The following SLC9A4 variants were observed in gnomAD, a reference collection of about 807,000 sequenced individuals.
The protein encoded by SLC9A4 is solute carrier family 9 member A4.
SLC9A4 carries 63 observed loss-of-function variants against 67.4 expected under a neutral mutation model. That is an observed-to-expected ratio of 0.93 (90% CI 0.76 to 1.15). The LOEUF (loss-of-function observed/expected upper bound fraction) is 1.15. Among genes scored for constraint, SLC9A4 ranks in the 50% most tolerant of loss-of-function variants. The pLI is 0.00. For missense variants in SLC9A4, 1,089 were observed against 987.7 expected (o/e 1.10, Z -1.38); for synonymous variants, 393 against 367.2 (o/e 1.07, Z -0.80).
chr2:102,508,066 TC>T lies in SLC9A4; in HGVS notation c.1199-8del. The T allele has an allele frequency of 6.2e-7, 1 of 1,613,214 alleles. No individual in the cohort carries two copies. The highest frequency in any genetic ancestry group is 8.5e-7 in the Non-Finnish European group (1 of 1,179,202). ...ATGATCCTCTGCTCTAATACACGTTTCCCCCTTTCTAGGCGTATTTGCTCTC... is the reference window on the plus strand; with the variant it reads ...ATGATCCTCTGCTCTAATACACGTTTCCCCTTTCTAGGCGTATTTGCTCTC... On this transcript the variant is annotated splice_polypyrimidine_tract_variant and intron_variant, in intron 4 of 11. Transcript: ENST00000295269.
In SLC9A4 at chr2:102,526,366, G is replaced by A; in HGVS notation, c.2038+20G>A. ...TCTCAGGTAAGCTGCCCACCTGGCT[G>A]CTCTGCTGCTTTTCTGTAGAGTCAG... On this transcript the variant is annotated intron_variant, in intron 11 of 11. Coordinates refer to ENST00000295269, the MANE Select transcript of SLC9A4 (RefSeq NM_001011552.4). 1 of 1,610,738 alleles carries A rather than the reference G, an allele frequency of 6.2e-7. No homozygotes were observed. The highest frequency in any genetic ancestry group is 8.5e-7 in the Non-Finnish European group (1 of 1,177,282).
chr2:102,515,738 G>GT (rs1685264674), intron 8 of SLC9A4, among the ~76,000 whole-genome samples: 1 of 151,954 alleles, frequency 6.6e-6, no homozygotes, highest in African/African-American at 2.4e-5. Flanking sequence ...TAGTTACTGA[G>GT]TTTTTTGCAA....
chr2:102,490,766 T>C (rs1192630341), intron 2 of SLC9A4, among the ~76,000 whole-genome samples: 1 of 152,198 alleles, frequency 6.6e-6, no homozygotes, highest in East Asian at 1.9e-4. Flanking sequence ...TCTTTTACCA[T>C]CAGGATGAAC....
At chr2:102,528,741 T>G (rs903924231) in intron 11 of SLC9A4, among the ~76,000 whole-genome samples, 9 of 152,190 alleles carry the variant, frequency 5.9e-5, no homozygotes, top group Admixed American at 2.0e-4. Flanking sequence ...TGAGAGTTGT[T>G]TAACATTTGG....
At chr2:102,500,488 T>C (rs968461579) in intron 2 of SLC9A4, among the ~76,000 whole-genome samples, 2 of 152,108 alleles carry the variant, frequency 1.3e-5, no homozygotes, top group African/African-American at 4.8e-5. Context: ...GAGGTGCTTG[T>C]GGACAAAAAA....
chr2:102,505,138 G>A, intron 3 of SLC9A4, 116 bp from the exon 4 acceptor site: 1 of 877,950 alleles, frequency 1.1e-6, no homozygotes, highest in South Asian at 1.6e-5. Flanking sequence ...GGGAATAAGG[G>A]AGATATTCCT....
In SLC9A4 at chr2:102,519,862, C is replaced by T. The variant is rs774536218; in HGVS notation, c.1725C>T (p.Ala575=). The change falls in exon 9 of 12, where the codon GCC becomes GCT. Residue 575 remains alanine (A), a synonymous_variant. Coordinates refer to ENST00000295269, the MANE Select transcript of SLC9A4 (RefSeq NM_001011552.4). ...SSTAFSIPHQ[A]QRIQGIKRLS... is the part of the protein sequence containing the mutation. Reference sequence around the variant, plus strand: ...TCTTCTCCAATAATGATTCCAGGGCCCAGAGGATACAAGGAATCAAAAGAC... The same window carrying T: ...TCTTCTCCAATAATGATTCCAGGGCTCAGAGGATACAAGGAATCAAAAGAC... 1 of 1,613,432 alleles carries T rather than the reference C, an allele frequency of 6.2e-7. No homozygotes were observed. The highest frequency in any genetic ancestry group is 8.5e-7 in the Non-Finnish European group (1 of 1,179,566).
At chr2:102,513,564 G>GTT (rs35371616) in intron 7 of SLC9A4, among the ~76,000 whole-genome samples, 3 of 151,974 alleles carry the variant, frequency 2.0e-5, no homozygotes, top group African/African-American at 4.8e-5. Flanking sequence ...CATACGTAGG[G>GTT]TTTTTTTCTT....
chr2:102,520,016 G>A lies in SLC9A4; in HGVS notation c.1818+61G>A, dbSNP rs1685368136. 18 of 1,422,368 alleles carry A rather than the reference G, an allele frequency of 1.3e-5. No individual in the cohort carries two copies. In the South Asian group the frequency reaches 1.3e-4, roughly 10 times the overall value. The allele number at this position is 1,422,368 out of a possible 1,614,324, so 88.1% of individuals were successfully genotyped here. On this transcript the variant is annotated intron_variant, in intron 9 of 11. Transcript: ENST00000295269. ...GTCCTTGAAAACAGTCTCTGAAGGGGGAGTCTGTTGATGTTCAAGTCTCCT... is the reference window on the plus strand; with the variant it reads ...GTCCTTGAAAACAGTCTCTGAAGGGAGAGTCTGTTGATGTTCAAGTCTCCT...
chr2:102,522,954 A>G (rs1674561772), intron 9 of SLC9A4, among the ~76,000 whole-genome samples: 1 of 151,970 alleles, frequency 6.6e-6, no homozygotes, highest in Non-Finnish European at 1.5e-5. Flanking sequence ...CTTGGCCTTC[A>G]GTTTATGCCT....
rs1684740339 is a variant in SLC9A4, at chr2:102,493,254, T to A, written c.721-10194T>A. Among the ~76,000 whole-genome samples, 2 of 149,438 alleles carry A rather than the reference T, an allele frequency of 1.3e-5. 1 individual carries two copies. The highest frequency in any genetic ancestry group is 5.2e-5 in the African/African-American group (2 of 38,826). On this transcript the variant is annotated intron_variant, in intron 2 of 11. Transcript: ENST00000295269. ...CCCAGTTCCAAAGTCACTTTCACAT[T>A]TTTGGGTATCCTTATAGTAGTACCC...
In SLC9A4 at chr2:102,478,992, C is replaced by T. The variant is rs1392627585; in HGVS notation, c.410C>T (p.Pro137Leu). ...ATCTACTTCCTGTATCTCCTGCCAC[C>T]CATCGTTCTGGAGGGCGGCTACTTC... ...SSIYFLYLLP[P>L]IVLEGGYFMP... The change falls in exon 2 of 12, where the codon CCC (proline) becomes CTC (leucine). Residue 137 changes from proline to leucine, a missense_variant. By Grantham distance (98) the Pro-to-Leu change is moderately conservative. Transcript: ENST00000295269. 6.2e-7 allele frequency: 1 copy of T among 1,614,120 alleles called. No individual in the cohort carries two copies. Among genetic ancestry groups the T allele is most frequent in the South Asian group, 1.1e-5 (1 of 91,090 alleles).
intron 2 of SLC9A4, among the ~76,000 whole-genome samples, chr2:102,483,841 T>TACATACAC (rs1684526367): frequency 5.5e-5 from 7 of 126,790 alleles, no homozygotes; most frequent in African/African-American, 2.2e-4. Context: ...TATATATATA[T>TACATACAC]ACACACACAC....
At chr2:102,477,595 G>A (rs922204688) in intron 1 of SLC9A4, among the ~76,000 whole-genome samples, 10 of 152,200 alleles carry the variant, frequency 6.6e-5, no homozygotes, top group South Asian at 2.1e-4. Flanking sequence ...GTTATTAGAC[G>A]GAGTGAGATA....
At chr2:102,508,433 A>G in intron 5 of SLC9A4, 152 bp downstream of exon 5, 1 of 746,210 alleles carries the variant, frequency 1.3e-6, no homozygotes, top group Non-Finnish European at 2.1e-6. Flanking sequence ...CATGTTTGTG[A>G]CCATCCTTTA....
intron 4 of SLC9A4, 24 bp downstream of exon 4, chr2:102,505,495 G>A: frequency 6.2e-7 from 1 of 1,605,142 alleles, no homozygotes; most frequent in Non-Finnish European, 8.5e-7. Context: ...GGGCTCCAGA[G>A]TCTCCGGTCC....
At chr2:102,503,136 T>G (rs1325063585) in intron 2 of SLC9A4, among the ~76,000 whole-genome samples, 1 of 152,174 alleles carries the variant, frequency 6.6e-6, no homozygotes, top group African/African-American at 2.4e-5. Context: ...TTGTCTATTA[T>G]AGAACACAAA....
intron 2 of SLC9A4, among the ~76,000 whole-genome samples, 178 bp downstream of exon 2, chr2:102,479,480 C>T (rs1191323736): frequency 6.6e-6 from 1 of 152,174 alleles, no homozygotes; most frequent in Non-Finnish European, 1.5e-5. Flanking sequence ...GCACTGCCTA[C>T]ATAACGGTTC....
intron 2 of SLC9A4, among the ~76,000 whole-genome samples, chr2:102,494,945 G>A (rs928229764): frequency 3.3e-5 from 5 of 151,964 alleles, no homozygotes; most frequent in Non-Finnish European, 7.4e-5. Context: ...TAAAATATTA[G>A]CAAGGCATGG....
Sources: gnomAD v4.1 joint callset for allele counts (sites outside exome capture counted in the v4.1 genomes callset) on GRCh38, gnomAD v4.1.1 for gene constraint, MANE v1.5 for transcripts, NCBI Gene and HGNC (gene_info 2026-07-23, HGNC 2026-07-21) for gene names.